Variants in DIAPH2 observed in about 807,000 individuals in gnomAD.
DIAPH2 encodes protein diaphanous homolog 2.
DIAPH2 carries 35 observed loss-of-function variants against 92.7 expected under a neutral mutation model. That is an observed-to-expected ratio of 0.38 (90% confidence interval 0.29 to 0.50). DIAPH2 has a LOEUF of 0.50. DIAPH2 is among the 20% of genes least tolerant of loss of function. The pLI is 0.94. For synonymous variants in DIAPH2, 301 were observed against 280.4 expected (o/e 1.07, Z -0.73); for missense variants, 701 against 819.5 (o/e 0.86, Z 1.77).
In DIAPH2 at chrX:97,250,380, G is replaced by A. The variant is rs191752590; in HGVS notation, c.2844+2541G>A. ...ACTTCAGAACAGCAACAATGCTGTA[G>A]TTAGCAGCAATGGCATGATGGCTTC... On this transcript the variant is annotated intron_variant, in intron 23 of 26. Coordinates refer to ENST00000324765, the MANE Select transcript of DIAPH2 (RefSeq NM_006729.5). Among the ~76,000 whole-genome samples the A allele has an allele frequency of 1.4e-3, 159 of 112,251 alleles. 1 individual carries two copies. The highest frequency in any genetic ancestry group is 4.8e-3 in the African/African-American group (148 of 30,982).
chrX:97,413,042 C>G (rs1289099610), intron 25 of DIAPH2, among the ~76,000 whole-genome samples: 1 of 111,922 alleles, frequency 8.9e-6, no homozygotes, highest in Non-Finnish European at 1.9e-5. Flanking sequence ...GGAATCCTCC[C>G]TAACTCATTT....
intron 3 of DIAPH2, among the ~76,000 whole-genome samples, chrX:96,745,870 G>A (rs753026179): frequency 3.6e-5 from 4 of 111,442 alleles, no homozygotes; most frequent in Non-Finnish European, 5.7e-5. Flanking sequence ...GGTATCAATG[G>A]CTATTGCTGG....
At chrX:97,101,645 A>G (rs190577734) in intron 20 of DIAPH2, among the ~76,000 whole-genome samples, 161 of 112,143 alleles carry the variant, frequency 1.4e-3, no homozygotes, top group African/African-American at 4.8e-3. Context: ...TTTTTAAACA[A>G]TGATATACTT....
At chrX:96,999,535 A>T (rs1038620520) in intron 17 of DIAPH2, among the ~76,000 whole-genome samples, 79 of 108,124 alleles carry the variant, frequency 7.3e-4, no homozygotes, top group Non-Finnish European at 1.3e-3. Context: ...CTAATTTCGA[A>T]TATAGCTCTT....
intron 1 of DIAPH2, among the ~76,000 whole-genome samples, chrX:96,726,780 G>A (rs2064022358): frequency 8.9e-6 from 1 of 112,062 alleles, no homozygotes; most frequent in Admixed American, 9.5e-5. Flanking sequence ...ATTTCCTGAT[G>A]AGTAAAACAA....
intron 25 of DIAPH2, among the ~76,000 whole-genome samples, chrX:97,391,178 G>C (rs141157635): frequency 2.4e-3 from 266 of 111,347 alleles, no homozygotes; most frequent in African/African-American, 8.0e-3. Flanking sequence ...TTGGGTGTCT[G>C]TCAAGATGGA....
At chrX:97,412,141 A>G (rs2069881897) in intron 25 of DIAPH2, among the ~76,000 whole-genome samples, 3 of 111,973 alleles carry the variant, frequency 2.7e-5, no homozygotes, top group African/African-American at 9.8e-5. Flanking sequence ...AAAATTGACC[A>G]CATAGTTGGA....
chrX:96,876,176 C>T (rs1304004515), intron 4 of DIAPH2, among the ~76,000 whole-genome samples: 2 of 111,642 alleles, frequency 1.8e-5, no homozygotes, highest in Non-Finnish European at 3.8e-5. Flanking sequence ...CCATCACTGG[C>T]CATCAGAGAA....
intron 19 of DIAPH2, among the ~76,000 whole-genome samples, chrX:97,094,888 C>T (rs933708266): frequency 5.4e-5 from 6 of 110,255 alleles, no homozygotes; most frequent in Non-Finnish European, 1.1e-4. Context: ...CAAGTACTGG[C>T]ATGAAACTGT....
intron 26 of DIAPH2, among the ~76,000 whole-genome samples, chrX:97,477,004 C>T (rs1237714332): frequency 2.0e-4 from 19 of 92,825 alleles, no homozygotes; most frequent in African/African-American, 7.7e-4. Flanking sequence ...CACACACACA[C>T]ACACACACAC....
intron 17 of DIAPH2, among the ~76,000 whole-genome samples, chrX:96,971,416 C>CTGTGTG (rs972440687): frequency 9.1e-6 from 1 of 110,055 alleles, no homozygotes; most frequent in Non-Finnish European, 1.9e-5. Context: ...ACTTGATGCT[C>CTGTGTG]TGTGTGTGTG....
At chrX:97,108,273 A>G (rs756747586) in intron 20 of DIAPH2, among the ~76,000 whole-genome samples, 3 of 111,458 alleles carry the variant, frequency 2.7e-5, no homozygotes, top group African/African-American at 9.8e-5. Context: ...CCCCTACATA[A>G]TACAATACCC....
chrX:96,949,104 G>A, intron 15 of DIAPH2, 65 bp downstream of exon 15: 1 of 728,112 alleles, frequency 1.4e-6, no homozygotes, highest in Non-Finnish European at 2.0e-6. Flanking sequence ...AAATTATCTT[G>A]TTATATAGAA....
chrX:97,021,475 G>A (rs2066297543), intron 17 of DIAPH2, among the ~76,000 whole-genome samples: 1 of 112,101 alleles, frequency 8.9e-6, no homozygotes, highest in South Asian at 3.7e-4. Flanking sequence ...TGAGATTATA[G>A]GCGTGAGCCA....
chrX:96,852,260 G>A (rs1356324591), intron 4 of DIAPH2, among the ~76,000 whole-genome samples: 2 of 111,937 alleles, frequency 1.8e-5, no homozygotes, highest in Non-Finnish European at 3.8e-5. Flanking sequence ...AAGACTGTTA[G>A]GAAATGGTTC....
chrX:96,914,414 A>G (rs1218281035), intron 7 of DIAPH2, among the ~76,000 whole-genome samples: 4 of 111,465 alleles, frequency 3.6e-5, no homozygotes, highest in Non-Finnish European at 7.6e-5. Flanking sequence ...GACATAATGG[A>G]AAGATAACAC....
chrX:96,934,535 G>A (rs1489900418), intron 10 of DIAPH2, among the ~76,000 whole-genome samples: 1 of 111,407 alleles, frequency 9.0e-6, no homozygotes, highest in East Asian at 2.8e-4. Context: ...CTGTAGTAGA[G>A]TGAAACTTTT....
chrX:97,157,545 C>A (rs1348136024), intron 22 of DIAPH2, among the ~76,000 whole-genome samples: 2 of 109,402 alleles, frequency 1.8e-5, no homozygotes, highest in African/African-American at 6.6e-5. Context: ...TATATATAAG[C>A]GTTGTACCTA....
intron 1 of DIAPH2, among the ~76,000 whole-genome samples, chrX:96,693,928 G>A (rs962556137): frequency 8.9e-6 from 1 of 111,821 alleles, no homozygotes; most frequent in African/African-American, 3.3e-5. Flanking sequence ...CCAGCTACTC[G>A]GGAGGCTGAG....
Sources: gnomAD v4.1 joint callset for allele counts (sites outside exome capture counted in the v4.1 genomes callset) on GRCh38, gnomAD v4.1.1 for gene constraint, MANE v1.5 for transcripts, NCBI Gene and HGNC (gene_info 2026-07-23, HGNC 2026-07-21) for gene names.